Variants in ZBBX observed in about 807,000 individuals in gnomAD.
ZBBX encodes zinc finger B-box domain-containing protein 1.
A neutral mutation model predicts 108.5 loss-of-function variants in ZBBX; 101 were observed. That is an observed-to-expected ratio of 0.93 (90% CI 0.79 to 1.10). ZBBX has a LOEUF of 1.10. Ranked by LOEUF, ZBBX falls within the 50% of genes least tolerant of loss-of-function variation. ZBBX has a pLI of 0.00. For synonymous variants in ZBBX, 356 were observed against 323.4 expected (o/e 1.10, Z -1.08); for missense variants, 1,009 against 941.4 (o/e 1.07, Z -0.94).
At chr3:167,346,047 A>G (rs527946881) in intron 9 of ZBBX, among the ~76,000 whole-genome samples, 2 of 151,884 alleles carry the variant, frequency 1.3e-5, no homozygotes, top group Admixed American at 6.6e-5. Flanking sequence ...CTCATCTTCT[A>G]TTCTCTCTAA....
chr3:167,379,047 C>T (rs1577132696), intron 2 of ZBBX, among the ~76,000 whole-genome samples: 1 of 152,266 alleles, frequency 6.6e-6, no homozygotes, highest in African/African-American at 2.4e-5. Context: ...TAATGTAGTG[C>T]CAATAATAAT....
At chr3:167,401,496 T>C (rs755109217) in intron 1 of ZBBX, 4 of 152,158 alleles carry the variant, frequency 2.6e-5, no homozygotes, top group African/African-American at 7.2e-5. Flanking sequence ...GGCTGCTGGT[T>C]GCTTATTTTT....
At position 167,302,160 on chromosome 3, in the gene ZBBX, C is replaced by T. The variant is rs527899531; in HGVS notation, c.1725+3483G>A. On this transcript the variant is annotated intron_variant, in intron 17 of 21. Transcript: ENST00000675490. ...GTATTTTGTAAATGTTCCATGTGTTCTTACAAAGAACACACATTCTCTAAT... is the reference window on the plus strand; with the variant it reads ...GTATTTTGTAAATGTTCCATGTGTTTTTACAAAGAACACACATTCTCTAAT... Among the ~76,000 whole-genome samples, 26 of 151,954 alleles carry T rather than the reference C, an allele frequency of 1.7e-4. No homozygotes were observed. The South Asian group carries it at 5.4e-3, about 32-fold the overall frequency.
intron 19 of ZBBX, among the ~76,000 whole-genome samples, chr3:167,284,179 CAT>C (rs202245834): frequency 1.7e-5 from 2 of 117,616 alleles, no homozygotes; most frequent in African/African-American, 7.9e-5. Flanking sequence ...GTGTTAAAAA[CAT>C]ATATCTATAT....
chr3:167,239,099 G>T (rs1720353807), downstream of ZBBX, among the ~76,000 whole-genome samples: 1 of 152,042 alleles, frequency 6.6e-6, no homozygotes, highest in Non-Finnish European at 1.5e-5. Flanking sequence ...AATCCACAGG[G>T]CTGGCCTGCA....
intron 13 of ZBBX, 104 bp from the exon 14 acceptor site, chr3:167,317,209 T>C (rs949694267): frequency 4.0e-6 from 3 of 744,086 alleles, no homozygotes; most frequent in African/African-American, 3.6e-5. Flanking sequence ...CTCATGTGTA[T>C]CTACACAAAA....
intron 20 of ZBBX, among the ~76,000 whole-genome samples, chr3:167,250,174 T>A (rs1232836291): frequency 1.3e-5 from 2 of 152,046 alleles, no homozygotes; most frequent in Non-Finnish European, 1.5e-5. Context: ...GATAGTACAT[T>A]AGAGGACCTC....
At chr3:167,350,280 C>T in intron 9 of ZBBX, 140 bp downstream of exon 9, 1 of 529,802 alleles carries the variant, frequency 1.9e-6, no homozygotes, top group Non-Finnish European at 3.3e-6. Context: ...AAATATGCAT[C>T]AGGATTGTCT....
At chr3:167,321,485 C>T (rs1230232056) in intron 12 of ZBBX, among the ~76,000 whole-genome samples, 1 of 151,916 alleles carries the variant, frequency 6.6e-6, no homozygotes, top group Non-Finnish European at 1.5e-5. Context: ...GGTGTGATGA[C>T]CACTTCTCAG....
intron 17 of ZBBX, among the ~76,000 whole-genome samples, chr3:167,301,031 A>G (rs1732578294): frequency 6.6e-6 from 1 of 151,740 alleles, no homozygotes; most frequent in Non-Finnish European, 1.5e-5. Context: ...CTAGGCATTA[A>G]GCCTAGTACC....
intron 8 of ZBBX, among the ~76,000 whole-genome samples, chr3:167,351,307 A>G (rs960976429): frequency 4.6e-5 from 7 of 152,180 alleles, no homozygotes; most frequent in Non-Finnish European, 1.0e-4. Context: ...AAGGAAATGG[A>G]AATTGGATGT....
intron 20 of ZBBX, among the ~76,000 whole-genome samples, chr3:167,251,446 T>C (rs1192638224): frequency 6.6e-6 from 1 of 152,024 alleles, no homozygotes; most frequent in Non-Finnish European, 1.5e-5. Context: ...TCTCGTGGAG[T>C]TGGAGCCCCA....
intron 4 of ZBBX, among the ~76,000 whole-genome samples, chr3:167,371,688 C>G (rs1311899043): frequency 2.0e-5 from 3 of 152,058 alleles, no homozygotes; most frequent in African/African-American, 7.2e-5. Context: ...GTCCCTTTTT[C>G]TTTTTCTATT....
chr3:167,213,591 G>A, the ZBBX span, among the ~76,000 whole-genome samples: 1,743 of 152,240 alleles, frequency 0.011, 32 homozygotes, highest in African/African-American at 0.04. Context: ...GAAAGGGAGG[G>A]GGAGAAAACA....
rs111758476 is a variant in ZBBX at position 167,265,887 on chromosome 3, T to A, written c.2254+16351A>T. Among the ~76,000 whole-genome samples the A allele has an allele frequency of 9.2e-3, 1,398 of 152,308 alleles. 15 individuals carry two copies. The highest frequency in any genetic ancestry group is 0.031 in the African/African-American group (1,297 of 41,554). On this transcript the variant is annotated intron_variant, in intron 20 of 21. Transcript: ENST00000675490. The stretch of plus-strand genomic sequence containing the variant: ...TGACCAGGTAGCACTGAGTTGAATG[T>A]GAAGTCCTCTAGTTGATGTGCTCTC...
chr3:167,199,544 G>A, the ZBBX span, among the ~76,000 whole-genome samples: 606 of 152,252 alleles, frequency 4.0e-3, 5 homozygotes, highest in African/African-American at 0.014. Context: ...CTTACACTAA[G>A]TAGAGGAATA....
At chr3:167,249,333 G>C (rs1299545744) in intron 20 of ZBBX, among the ~76,000 whole-genome samples, 1 of 152,158 alleles carries the variant, frequency 6.6e-6, no homozygotes, top group Non-Finnish European at 1.5e-5. Flanking sequence ...GAGTAGGATT[G>C]CCCTCCTGTT....
upstream of ZBBX, among the ~76,000 whole-genome samples, chr3:167,381,081 C>T (rs1279054346): frequency 1.3e-5 from 2 of 151,978 alleles, no homozygotes; most frequent in African/African-American, 4.8e-5. Context: ...GCATCTGTCT[C>T]GGTACCAGAC....
intron 20 of ZBBX, among the ~76,000 whole-genome samples, chr3:167,268,050 T>C (rs1416279571): frequency 6.6e-6 from 1 of 152,052 alleles, no homozygotes; most frequent in Non-Finnish European, 1.5e-5. Flanking sequence ...CAACATGAAG[T>C]AGAACAATGT....
Sources: gnomAD v4.1 joint callset for allele counts (sites outside exome capture counted in the v4.1 genomes callset) on GRCh38, gnomAD v4.1.1 for gene constraint, MANE v1.5 for transcripts, NCBI Gene and HGNC (gene_info 2026-07-23, HGNC 2026-07-21) for gene names.